Variants in PRR14L observed in about 807,000 individuals in gnomAD.
PRR14L encodes protein PRR14L.
Under a neutral mutation model 155.0 loss-of-function variants are expected in PRR14L, and 80 were observed. That is an observed-to-expected ratio of 0.52 (90% CI 0.43 to 0.62). The LOEUF (loss-of-function observed/expected upper bound fraction) is 0.62, where lower values mean the gene tolerates loss of function less well. Ranked by LOEUF, PRR14L falls within the 20% of genes least tolerant of loss-of-function variation. PRR14L has a pLI of 0.00. For missense variants in PRR14L, 2,469 were observed against 2,548.0 expected (o/e 0.97, Z 0.67); for synonymous variants, 883 against 916.0 (o/e 0.96, Z 0.65).
At chr22:31,730,543 G>C (rs901897138) in intron 2 of PRR14L, among the ~76,000 whole-genome samples, 14 of 152,254 alleles carry the variant, frequency 9.2e-5, no homozygotes, top group Non-Finnish European at 2.1e-4. Context: ...TCCTATCACG[G>C]TGTTAGGGTG....
intron 2 of PRR14L, among the ~76,000 whole-genome samples, chr22:31,732,756 C>A (rs1012290094): frequency 6.6e-6 from 1 of 152,136 alleles, no homozygotes; most frequent in South Asian, 2.1e-4. Flanking sequence ...TGAAAACCTG[C>A]TGGTTTTGGG....
At chr22:31,744,208 C>G (rs2074826570) in intron 1 of PRR14L, among the ~76,000 whole-genome samples, 1 of 151,516 alleles carries the variant, frequency 6.6e-6, no homozygotes, top group Non-Finnish European at 1.5e-5. Flanking sequence ...TCTTAGCTCA[C>G]CACAATCTCC....
chr22:31,727,597 A>T (rs964000870), intron 2 of PRR14L, among the ~76,000 whole-genome samples: 2 of 152,116 alleles, frequency 1.3e-5, no homozygotes, highest in Admixed American at 6.6e-5. Context: ...ACTTCTCTTA[A>T]AAGGTTCTGA....
chr22:31,706,273 G>A (rs1319795680), intron 4 of PRR14L, among the ~76,000 whole-genome samples: 12 of 143,776 alleles, frequency 8.3e-5, no homozygotes, highest in Non-Finnish European at 1.4e-4. Flanking sequence ...TGAGGCAGGA[G>A]AACTGCTTGA....
Position 31,684,967 on chromosome 22 carries a change from C to T in PRR14L, c.*560G>A, listed in dbSNP as rs3804089. The T allele has an allele frequency of 4.7e-3, 719 of 152,760 alleles. 18 individuals carry two copies. The East Asian group carries it at 0.05, about 11-fold the overall frequency. 9.5% of individuals were successfully genotyped at this position (152,760 alleles called of 1,614,324 possible). A position where few individuals can be genotyped will look rare whatever the true frequency, so the allele number is the denominator to read the frequency against. ...ACGATGGGAAAAAGCCACACACACA[C>T]AAACACTCTCACATACACTCACATC... On this transcript the variant is annotated 3_prime_UTR_variant, in exon 9 of 9. Coordinates refer to ENST00000327423, the MANE Select transcript of PRR14L (RefSeq NM_173566.3).
At chr22:31,737,546 C>T (rs898041848) in intron 2 of PRR14L, among the ~76,000 whole-genome samples, 2 of 151,466 alleles carry the variant, frequency 1.3e-5, no homozygotes, top group South Asian at 2.1e-4. Flanking sequence ...CCAACACTTT[C>T]AGAAGCCGAG....
chr22:31,729,480 G>A (rs1273066694), intron 2 of PRR14L, among the ~76,000 whole-genome samples: 2 of 152,076 alleles, frequency 1.3e-5, no homozygotes, highest in Admixed American at 1.3e-4. Context: ...GCCTCCCAAA[G>A]TGCTGGGATT....
chr22:31,713,181 G>A lies in PRR14L; in HGVS notation c.4658C>T (p.Ser1553Phe). 1 of 1,551,938 alleles carries A rather than the reference G, an allele frequency of 6.4e-7. No individual in the cohort carries two copies. Among genetic ancestry groups the A allele is most frequent in the South Asian group, 1.2e-5 (1 of 84,056 alleles). Residue 1553 changes from serine to phenylalanine, a missense_variant, in exon 4 of 9, where the codon TCT (serine) becomes TTT (phenylalanine). Ser to Phe is a radical substitution (Grantham distance 155, BLOSUM62 -2). This residue lies in a region of PRR14L where 2,363 missense variants were observed against 2,371.6 expected (regional missense o/e 1.00). Transcript: ENST00000327423. ...KIRSSAFLKS[S>F]SNPIPTKAHR... The stretch of plus-strand genomic sequence containing the variant: ...CGCTTTTGTGGGGATGGGATTGGAA[G>A]AACTCTTTAAAAAGGCAGAACTTCT...
intron 1 of PRR14L, among the ~76,000 whole-genome samples, chr22:31,745,035 A>G (rs2074830492): frequency 6.6e-6 from 1 of 152,224 alleles, no homozygotes; most frequent in Non-Finnish European, 1.5e-5. Flanking sequence ...TACCAAGAAC[A>G]GCTGGAACCC....
chr22:31,687,624 T>C (rs1280338710), intron 8 of PRR14L, among the ~76,000 whole-genome samples: 1 of 150,994 alleles, frequency 6.6e-6, no homozygotes, highest in Non-Finnish European at 1.5e-5. Flanking sequence ...AGTGCTGGGA[T>C]TACAGGCGTG....
At position 31,683,946 on chromosome 22, in the gene PRR14L, T is replaced by C. The variant is rs2074468202; in HGVS notation, c.*1581A>G. The C allele has an allele frequency of 6.6e-6, 1 of 152,342 alleles. No homozygotes were observed. The highest frequency in any genetic ancestry group is 2.1e-4 in the South Asian group (1 of 4,824). 9.4% of individuals were successfully genotyped at this position (152,342 alleles called of 1,614,324 possible). A position where few individuals can be genotyped will look rare whatever the true frequency, so the allele number is the denominator to read the frequency against. On this transcript the variant is annotated 3_prime_UTR_variant, in exon 9 of 9. Transcript: ENST00000327423. The stretch of plus-strand genomic sequence containing the variant: ...GTCCCTAGAACTCTGACGGTTCCCA[T>C]CGGCGGCTGCTCCATGCCAGTGGCT...
At position 31,713,339 on chromosome 22, in the gene PRR14L, A is replaced by G; in HGVS notation, c.4500T>C (p.Ser1500=). 1 of 1,552,298 alleles carries G rather than the reference A, an allele frequency of 6.4e-7. No individual in the cohort carries two copies. Among genetic ancestry groups the G allele is most frequent in the Non-Finnish European group, 8.7e-7 (1 of 1,147,118 alleles). Residue 1500 remains serine (S), a synonymous_variant, in exon 4 of 9, where the codon TCT becomes TCC. Transcript: ENST00000327423. The stretch of plus-strand genomic sequence containing the variant: ...CACCATGTATTTGATCACACCCAGC[A>G]GAGGAGGGGTCTTGTGCTTTCCGAG... ...GAPRKAQDPS[S]AGCDQIHGAF...
chr22:31,722,551 C>T (rs1300357898), intron 3 of PRR14L, among the ~76,000 whole-genome samples: 2 of 141,106 alleles, frequency 1.4e-5, no homozygotes, highest in East Asian at 4.3e-4. Context: ...GAGACGGAGT[C>T]TTGCTCTGCT....
chr22:31,689,585 G>A (rs1007051412), intron 7 of PRR14L, among the ~76,000 whole-genome samples: 5 of 151,678 alleles, frequency 3.3e-5, no homozygotes, highest in Non-Finnish European at 5.9e-5. Flanking sequence ...TTTTTTTTGA[G>A]ACAGGGTCTT....
In PRR14L at chr22:31,715,675, G is replaced by C. The variant is rs1157411429; in HGVS notation, c.2164C>G (p.Gln722Glu). 3.2e-6 allele frequency: 5 copies of C among 1,552,054 alleles called. No individual in the cohort carries two copies. The highest frequency in any genetic ancestry group is 3.3e-4 in the Middle Eastern group (2 of 6,018). ...CAGTTTGAAGAGGCACCACAGGTTT[G>C]GTTACCTGGTGGAGAGATGTCTTTT... is the stretch of plus-strand genomic sequence containing the variant. ...KIKDISPPGN[Q>E]TCGASSNCPT... The change falls in exon 4 of 9, where the codon CAA (glutamine) becomes GAA (glutamate). Residue 722 changes from glutamine to glutamate, a missense_variant. By Grantham distance (29) the Gln-to-Glu change is conservative. This residue lies in a region of PRR14L where 2,363 missense variants were observed against 2,371.6 expected (regional missense o/e 1.00). Coordinates refer to ENST00000327423, the MANE Select transcript of PRR14L (RefSeq NM_173566.3).
chr22:31,716,930 G>A lies in PRR14L; in HGVS notation c.909C>T (p.Asn303=), dbSNP rs773442335. Residue 303 remains asparagine, a synonymous_variant, in exon 4 of 9, where the codon AAC becomes AAT. Coordinates refer to ENST00000327423, the MANE Select transcript of PRR14L (RefSeq NM_173566.3). ...DNGKEELCKP[N]LVCEADDNHQ... is the part of the protein sequence containing the mutation. ...GATTGTCATCTGCTTCACAGACCAGGTTTGGTTTACACAACTCTTCCTTCC... is the reference window on the plus strand; with the variant it reads ...GATTGTCATCTGCTTCACAGACCAGATTTGGTTTACACAACTCTTCCTTCC... 3.8e-5 allele frequency: 59 copies of A among 1,551,872 alleles called. No homozygotes were observed. The highest frequency in any genetic ancestry group is 5.0e-5 in the Non-Finnish European group (57 of 1,147,068).
chr22:31,723,353 G>A (rs2074701217), intron 3 of PRR14L, among the ~76,000 whole-genome samples: 2 of 152,234 alleles, frequency 1.3e-5, no homozygotes, highest in Non-Finnish European at 2.9e-5. Context: ...ATGTGGACCA[G>A]CTTCTTAGGT....
intron 3 of PRR14L, among the ~76,000 whole-genome samples, chr22:31,723,266 T>C (rs1365349793): frequency 6.6e-6 from 1 of 152,182 alleles, no homozygotes; most frequent in African/African-American, 2.4e-5. Flanking sequence ...AAGCATGATA[T>C]TAGAACATGA....
intron 3 of PRR14L, among the ~76,000 whole-genome samples, chr22:31,723,124 A>G (rs2074699740): frequency 6.6e-6 from 1 of 152,162 alleles, no homozygotes; most frequent in Non-Finnish European, 1.5e-5. Flanking sequence ...GGACAGAATG[A>G]ACTAGGCCAT....
Sources: gnomAD v4.1 joint callset for allele counts (sites outside exome capture counted in the v4.1 genomes callset) on GRCh38, gnomAD v4.1.1 for gene constraint, gnomAD v4.1.1 regional missense constraint, MANE v1.5 for transcripts, NCBI Gene and HGNC (gene_info 2026-07-23, HGNC 2026-07-21) for gene names.